SEC24B: variants seen among roughly 807,000 people sequenced by gnomAD.
SEC24B encodes SEC24 homolog B, COPII component.
SEC24B carries 45 observed loss-of-function variants against 142.8 expected under a neutral mutation model. That is an observed-to-expected ratio of 0.32 (90% CI 0.25 to 0.40). The LOEUF (loss-of-function observed/expected upper bound fraction) is 0.40, where lower values mean the gene tolerates loss of function less well. Among genes scored for constraint, SEC24B ranks in the 10% least tolerant of loss-of-function variants. The pLI is 1.00. For synonymous variants in SEC24B, 574 were observed against 568.2 expected, an observed-to-expected ratio of 1.01 and a Z score of -0.15; for missense variants, 1,409 against 1,526.8, an observed-to-expected ratio of 0.92 and a Z score of 1.29.
At chr4:109,455,034 T>C (rs1252202703) in intron 1 of SEC24B, among the ~76,000 whole-genome samples, 6 of 152,220 alleles carry the variant, frequency 3.9e-5, no homozygotes, top group Admixed American at 6.5e-5. Flanking sequence ...AGGATAAAAA[T>C]GGACAGTTTC....
intron 1 of SEC24B, among the ~76,000 whole-genome samples, chr4:109,454,145 C>T (rs1183752595): frequency 2.6e-5 from 4 of 152,156 alleles, no homozygotes; most frequent in African/African-American, 4.8e-5. Flanking sequence ...GCTCCTTTCA[C>T]AGAGCAAACT....
chr4:109,492,331 G>T (rs1243933866), intron 5 of SEC24B, among the ~76,000 whole-genome samples: 2 of 152,154 alleles, frequency 1.3e-5, no homozygotes, highest in Non-Finnish European at 2.9e-5. Context: ...GTGTCTGTGT[G>T]TGTAAGAAGT....
chr4:109,512,321 C>T (rs1445168373), intron 9 of SEC24B, among the ~76,000 whole-genome samples: 1 of 152,282 alleles, frequency 6.6e-6, no homozygotes, highest in East Asian at 1.9e-4. Flanking sequence ...GAAACAGTGA[C>T]ACTCATGCAG....
intron 11 of SEC24B, among the ~76,000 whole-genome samples, chr4:109,517,495 A>G (rs1723069066): frequency 6.6e-6 from 1 of 152,166 alleles, no homozygotes; most frequent in Admixed American, 6.6e-5. Context: ...TGTAAAAGAT[A>G]GGAGGAATAA....
intron 3 of SEC24B, among the ~76,000 whole-genome samples, chr4:109,478,580 A>G (rs1341391147): frequency 1.3e-5 from 2 of 152,218 alleles, no homozygotes; most frequent in Non-Finnish European, 2.9e-5. Context: ...AGAGGTTAGT[A>G]ACTTGCTCAA....
At chr4:109,464,081 A>C (rs1200198706) in intron 2 of SEC24B, among the ~76,000 whole-genome samples, 1 of 152,154 alleles carries the variant, frequency 6.6e-6, no homozygotes, top group African/African-American at 2.4e-5. Context: ...GGTTTCCCCA[A>C]GTTAGCCCCT....
chr4:109,452,906 G>T (rs894409327), intron 1 of SEC24B, among the ~76,000 whole-genome samples: 1 of 151,928 alleles, frequency 6.6e-6, no homozygotes, highest in Non-Finnish European at 1.5e-5. Flanking sequence ...GACAGATATC[G>T]GGGGAACCCG....
chr4:109,461,996 C>T (rs557224362), intron 1 of SEC24B, among the ~76,000 whole-genome samples: 267 of 151,940 alleles, frequency 1.8e-3, no homozygotes, highest in African/African-American at 6.1e-3. Context: ...GGGAGACCAG[C>T]CTGGGCAACA....
intron 1 of SEC24B, among the ~76,000 whole-genome samples, chr4:109,434,379 G>T (rs1430257435): frequency 6.6e-6 from 1 of 152,190 alleles, no homozygotes; most frequent in Non-Finnish European, 1.5e-5. Context: ...CGGGCGAGTT[G>T]CCCCGAGCGA....
chr4:109,439,475 T>C (rs554283292), intron 1 of SEC24B, among the ~76,000 whole-genome samples: 435 of 5,556 alleles, frequency 0.078, 13 homozygotes, highest in South Asian at 0.42. Context: ...CCTAAGCTGA[T>C]TTTTTTTTTT....
intron 13 of SEC24B, 24 bp from the exon 14 acceptor site, chr4:109,521,396 A>G (rs1723597041): frequency 1.3e-6 from 2 of 1,578,850 alleles, no homozygotes; most frequent in Non-Finnish European, 1.7e-6. Flanking sequence ...TCAGTAATTC[A>G]ATTTTTGATC....
At chr4:109,434,459 C>A (rs1260749362) in intron 1 of SEC24B, among the ~76,000 whole-genome samples, 5 of 152,212 alleles carry the variant, frequency 3.3e-5, no homozygotes, top group African/African-American at 1.2e-4. Context: ...GCTGGTGCAG[C>A]CACCCAGCAG....
chr4:109,483,541 TC>T, intron 4 of SEC24B, among the ~76,000 whole-genome samples: 1 of 147,038 alleles, frequency 6.8e-6, no homozygotes, highest in Non-Finnish European at 1.5e-5. Flanking sequence ...TTAGGGACTC[TC>T]AACCTATAGT....
intron 18 of SEC24B, 58 bp from the exon 19 acceptor site, chr4:109,530,231 T>C (rs1724746539): frequency 1.4e-6 from 2 of 1,479,404 alleles, no homozygotes; most frequent in Non-Finnish European, 1.8e-6. Context: ...ATTTTCTCTC[T>C]TATAGTGCCC....
intron 11 of SEC24B, among the ~76,000 whole-genome samples, chr4:109,518,424 G>T (rs1723213893): frequency 6.6e-6 from 1 of 152,280 alleles, no homozygotes; most frequent in African/African-American, 2.4e-5. Flanking sequence ...GAGGTGTGGG[G>T]CTTGTTATAT....
chr4:109,511,720 T>C (rs570487348), intron 8 of SEC24B, among the ~76,000 whole-genome samples: 1 of 152,348 alleles, frequency 6.6e-6, no homozygotes, highest in East Asian at 1.9e-4. Flanking sequence ...TTACATTATT[T>C]TCTTGGCCAA....
In SEC24B at chr4:109,481,159, G is replaced by A. The variant is rs550009806; in HGVS notation, c.1061-518G>A. On this transcript the variant is annotated intron_variant, in intron 3 of 23. Coordinates refer to ENST00000265175, the MANE Select transcript of SEC24B (RefSeq NM_006323.5). ...TCTACTGTTAGCAGAGAACTATGCC[G>A]AATACAGTTTTTTTCTTTAACTGTG... 1.4e-3 allele frequency among the ~76,000 whole-genome samples: 214 copies of A among 151,952 alleles called. 1 individual carries two copies. The highest frequency in any genetic ancestry group is 4.9e-3 in the African/African-American group (203 of 41,420).
intron 10 of SEC24B, among the ~76,000 whole-genome samples, chr4:109,515,482 A>G (rs1167902286): frequency 6.6e-6 from 1 of 152,048 alleles, no homozygotes; most frequent in Non-Finnish European, 1.5e-5. Flanking sequence ...TTTTTACTTG[A>G]GACAGAGTTT....
At chr4:109,529,007 A>T (rs1724588626) in intron 18 of SEC24B, among the ~76,000 whole-genome samples, 1 of 152,202 alleles carries the variant, frequency 6.6e-6, no homozygotes, top group African/African-American at 2.4e-5. Context: ...TACTAAAAAT[A>T]CAAAAATTAG....
Sources: gnomAD v4.1 joint callset for allele counts (sites outside exome capture counted in the v4.1 genomes callset) on GRCh38, gnomAD v4.1.1 for gene constraint, MANE v1.5 for transcripts, NCBI Gene and HGNC (gene_info 2026-07-23, HGNC 2026-07-21) for gene names.